Variants in SYNPR observed in about 807,000 individuals in gnomAD.
SYNPR encodes the protein synaptoporin.
A neutral mutation model predicts 32.9 loss-of-function variants in SYNPR; 23 were observed. That is an observed-to-expected ratio of 0.70 (90% confidence interval 0.50 to 0.99). The LOEUF (loss-of-function observed/expected upper bound fraction) is 0.99. Among genes scored for constraint, SYNPR ranks in the 50% least tolerant of loss-of-function variants. The pLI is 0.00. For synonymous variants in SYNPR, 146 were observed against 135.9 expected (o/e 1.07, Z -0.52); for missense variants, 318 against 349.3 (o/e 0.91, Z 0.71).
At chr3:63,245,958 G>A (rs1307058405) in intron 1 of SYNPR, among the ~76,000 whole-genome samples, 1 of 151,906 alleles carries the variant, frequency 6.6e-6, no homozygotes, top group African/African-American at 2.4e-5. Context: ...GATAAGTGCT[G>A]GAGTCAAAAA....
At chr3:63,356,894 A>T (rs930445154) in intron 2 of SYNPR, among the ~76,000 whole-genome samples, 3 of 152,260 alleles carry the variant, frequency 2.0e-5, no homozygotes, top group Non-Finnish European at 2.9e-5. Flanking sequence ...ATTACAATAC[A>T]GAAGTTAAGC....
At chr3:63,357,787 T>G (rs2087603215) in intron 2 of SYNPR, among the ~76,000 whole-genome samples, 1 of 152,184 alleles carries the variant, frequency 6.6e-6, no homozygotes, top group Admixed American at 6.5e-5. Flanking sequence ...GATCTGCATT[T>G]TGATTAGCAT....
intron 2 of SYNPR, among the ~76,000 whole-genome samples, chr3:63,265,202 G>T (rs973758534): frequency 6.9e-6 from 1 of 144,182 alleles, no homozygotes; most frequent in African/African-American, 2.5e-5. Context: ...GTGTTTTTAA[G>T]TATACAGTAT....
intron 4 of SYNPR, among the ~76,000 whole-genome samples, chr3:63,565,557 G>A (rs1320317883): frequency 1.3e-5 from 2 of 152,160 alleles, no homozygotes; most frequent in Non-Finnish European, 2.9e-5. Flanking sequence ...GGGCCCTCAT[G>A]GTCTAATGAC....
chr3:63,596,257 C>T, intron 4 of SYNPR, among the ~76,000 whole-genome samples: 1 of 140,476 alleles, frequency 7.1e-6, no homozygotes, highest in African/African-American at 2.6e-5. Flanking sequence ...TCAATTCCTT[C>T]CCCCCTTCTT....
upstream of SYNPR, among the ~76,000 whole-genome samples, chr3:63,274,590 G>A (rs1056961375): frequency 1.3e-5 from 2 of 152,188 alleles, no homozygotes; most frequent in African/African-American, 4.8e-5. Context: ...TGGGCTGAAT[G>A]TATTTCTTAC....
chr3:63,476,177 A>G (rs1395663220), intron 2 of SYNPR, among the ~76,000 whole-genome samples: 10 of 40,926 alleles, frequency 2.4e-4, no homozygotes, highest in South Asian at 1.3e-3. Flanking sequence ...GAGGGAGGGA[A>G]GGAAGGGAAG....
chr3:63,553,872 C>T (rs560935125), intron 3 of SYNPR, among the ~76,000 whole-genome samples: 30 of 152,142 alleles, frequency 2.0e-4, no homozygotes, highest in Non-Finnish European at 3.2e-4. Context: ...CAGGCATGCG[C>T]CACCATGCCC....
At chr3:63,468,413 A>G (rs1160888158) in intron 2 of SYNPR, among the ~76,000 whole-genome samples, 4 of 151,948 alleles carry the variant, frequency 2.6e-5, no homozygotes, top group Non-Finnish European at 2.9e-5. Context: ...CTCTTAGCTT[A>G]TGAGCTTAAG....
At position 63,571,627 on chromosome 3, in the gene SYNPR, A is replaced by G. The variant is rs960694296; in HGVS notation, c.408+14886A>G. On this transcript the variant is annotated intron_variant, in intron 4 of 5. Coordinates refer to ENST00000478300, the MANE Select transcript of SYNPR (RefSeq NM_001130003.2). ...AAATTCAGAAAATTTCTAAATGCTC[A>G]TAAAAAGACAGTATTTCTTTTCTAC... 7.2e-5 allele frequency among the ~76,000 whole-genome samples: 11 copies of G among 152,322 alleles called. No homozygotes were observed. In the East Asian group the frequency reaches 2.1e-3, roughly 29 times the overall value.
intron 2 of SYNPR, among the ~76,000 whole-genome samples, chr3:63,446,915 A>G (rs1700288468): frequency 6.6e-6 from 1 of 152,186 alleles, no homozygotes; most frequent in African/African-American, 2.4e-5. Context: ...TAGTTAAAAA[A>G]AGTTCAGAGT....
In SYNPR at chr3:63,540,960, C is replaced by T. The variant is rs896511325; in HGVS notation, c.210-15583C>T. 4.7e-5 allele frequency among the ~76,000 whole-genome samples: 7 copies of T among 148,006 alleles called. No homozygotes were observed. The East Asian group carries it at 6.0e-4, about 13-fold the overall frequency. On this transcript the variant is annotated intron_variant, in intron 3 of 5. Coordinates refer to ENST00000478300, the MANE Select transcript of SYNPR (RefSeq NM_001130003.2). ...ACACACACACACACACACACACACA[C>T]ATATACATAGTACCTGACTGCAGCC... is the stretch of plus-strand genomic sequence containing the variant.
At chr3:63,371,263 C>T (rs532716558) in intron 2 of SYNPR, among the ~76,000 whole-genome samples, 28 of 152,104 alleles carry the variant, frequency 1.8e-4, no homozygotes, top group East Asian at 7.8e-4. Context: ...AGACTGACAC[C>T]GAGAGCTCTG....
intron 2 of SYNPR, among the ~76,000 whole-genome samples, chr3:63,258,560 A>G (rs2086408713): frequency 6.6e-6 from 1 of 152,232 alleles, no homozygotes; most frequent in Admixed American, 6.5e-5. Flanking sequence ...TCTCTGGGGC[A>G]TATTCAAAGC....
intron 2 of SYNPR, among the ~76,000 whole-genome samples, chr3:63,393,496 C>CTTTTTTTTTTTTTTTTTT (rs71631152): frequency 2.7e-4 from 23 of 84,504 alleles, no homozygotes; most frequent in East Asian, 2.0e-3. Flanking sequence ...TCTTTCTTCT[C>CTTTTTTTTTTTTTTTTTT]TTTTTTTTTT....
At chr3:63,280,300 A>G (rs2086616541) in intron 2 of SYNPR, among the ~76,000 whole-genome samples, 1 of 152,156 alleles carries the variant, frequency 6.6e-6, no homozygotes, top group Non-Finnish European at 1.5e-5. Context: ...TGTTCAAATT[A>G]CAGGTTTCAG....
At chr3:63,480,707 G>A (rs779371264) in intron 2 of SYNPR, 125 bp from the exon 3 acceptor site, 3 of 1,259,500 alleles carry the variant, frequency 2.4e-6, no homozygotes, top group African/African-American at 1.5e-5. Flanking sequence ...TGAACCAAGG[G>A]CAATGCTCTT....
chr3:63,299,040 G>A (rs1194878545), intron 2 of SYNPR, among the ~76,000 whole-genome samples: 2 of 152,130 alleles, frequency 1.3e-5, no homozygotes. Context: ...TCCTCAAATA[G>A]TTGCTGCATT....
At chr3:63,467,862 G>A (rs113797618) in intron 2 of SYNPR, among the ~76,000 whole-genome samples, 2,200 of 152,122 alleles carry the variant, frequency 0.014, 51 homozygotes, top group African/African-American at 0.05. Context: ...TGATGACCAC[G>A]CATCATGTCT....
Sources: allele counts gnomAD v4.1 joint callset (sites outside exome capture counted in the v4.1 genomes callset), GRCh38; gene constraint gnomAD v4.1.1; transcripts MANE v1.5; gene names NCBI Gene and HGNC (gene_info 2026-07-23, HGNC 2026-07-21).